Variants in ADAMTS9 observed in about 807,000 individuals in gnomAD.
ADAMTS9 encodes the protein ADAM metallopeptidase with thrombospondin type 1 motif 9.
ADAMTS9 carries 107 observed loss-of-function variants against 257.1 expected under a neutral mutation model. The ratio of observed to expected loss-of-function variants is 0.42; its 90% confidence interval spans 0.36 to 0.49. The LOEUF is 0.49. Ranked by LOEUF, ADAMTS9 falls within the 20% of genes least tolerant of loss-of-function variation. The pLI is 0.03. For synonymous variants in ADAMTS9, 982 were observed against 880.9 expected (o/e 1.11, Z -2.03); for missense variants, 2,353 against 2,469.1 (o/e 0.95, Z 1.00).
chr3:64,613,682 T>C (rs1328492865), intron 21 of ADAMTS9, among the ~76,000 whole-genome samples, 173 bp from the exon 22 acceptor site: 1 of 152,214 alleles, frequency 6.6e-6, no homozygotes, highest in Non-Finnish European at 1.5e-5. Context: ...CGTTCATTTA[T>C]TCATTCATTC....
intron 30 of ADAMTS9, among the ~76,000 whole-genome samples, chr3:64,556,346 G>A (rs1215120528): frequency 1.3e-5 from 2 of 152,022 alleles, no homozygotes; most frequent in East Asian, 3.9e-4. Context: ...TTTGAGACAG[G>A]GTCTTGCTCT....
At chr3:64,608,510 A>T (rs1165537721) in intron 22 of ADAMTS9, among the ~76,000 whole-genome samples, 2 of 152,108 alleles carry the variant, frequency 1.3e-5, no homozygotes, top group African/African-American at 2.4e-5. Context: ...AAGTGATGCC[A>T]ATATATTAGA....
In ADAMTS9 at chr3:64,625,086, A is replaced by G. The variant is rs73122261; in HGVS notation, c.2390-2500T>C. On this transcript the variant is annotated intron_variant, in intron 16 of 39. Coordinates refer to ENST00000498707, the MANE Select transcript of ADAMTS9 (RefSeq NM_182920.2). The stretch of plus-strand genomic sequence containing the variant: ...AGGATGCCCTTGAAAGATACAGGCC[A>G]TATATTTAGGTGAATAAAAGAAACA... Among the ~76,000 whole-genome samples, 476 of 152,344 alleles carry G rather than the reference A, an allele frequency of 3.1e-3. 2 individuals are homozygous for G. The highest frequency in any genetic ancestry group is 0.019 in the South Asian group (90 of 4,824).
chr3:64,654,727 A>T, intron 6 of ADAMTS9, 115 bp from the exon 7 acceptor site: 1 of 1,121,584 alleles, frequency 8.9e-7, no homozygotes. Context: ...GGTGGGGGTT[A>T]AAAAAAGCAA....
chr3:64,658,773 C>G lies in ADAMTS9; in HGVS notation c.698G>C (p.Ser233Thr). Reference protein sequence around the residue: ...CDTSEHKNRHSKDKKKTRARK... With the variant: ...CDTSEHKNRHTKDKKKTRARK... Reference sequence around the variant, plus strand: ...TGCTCTGGTTTTCTTCTTGTCTTTACTGTGCCTATTTTTGTGTTCTGTAAC... The same window carrying G: ...TGCTCTGGTTTTCTTCTTGTCTTTAGTGTGCCTATTTTTGTGTTCTGTAAC... Residue 233 changes from serine (S) to threonine (T), a missense_variant, in exon 4 of 40, where the codon AGT becomes ACT. Ser to Thr is a moderately conservative substitution (Grantham distance 58). Transcript: ENST00000498707. 6.2e-7 allele frequency: 1 copy of G among 1,613,540 alleles called. No individual in the cohort carries two copies. The highest frequency in any genetic ancestry group is 8.5e-7 in the Non-Finnish European group (1 of 1,179,756).
chr3:64,576,527 A>G (rs2106721182), intron 28 of ADAMTS9, among the ~76,000 whole-genome samples: 1 of 152,336 alleles, frequency 6.6e-6, no homozygotes, highest in Middle Eastern at 3.4e-3. Flanking sequence ...AAGCTTTACC[A>G]GGAAACAAGG....
At chr3:64,677,967 T>A (rs1701663596) in intron 3 of ADAMTS9, among the ~76,000 whole-genome samples, 1 of 152,190 alleles carries the variant, frequency 6.6e-6, no homozygotes, top group Admixed American at 6.5e-5. Context: ...TAACATAAGT[T>A]ATCTCAGAAT....
At chr3:64,633,357 C>T in intron 14 of ADAMTS9, 115 bp downstream of exon 14, 1 of 1,471,758 alleles carries the variant, frequency 6.8e-7, no homozygotes, top group Non-Finnish European at 9.1e-7. Context: ...ACTTTGAGAA[C>T]CACTGCCCTG....
intron 28 of ADAMTS9, among the ~76,000 whole-genome samples, chr3:64,584,311 C>G (rs2084088429): frequency 6.6e-6 from 1 of 151,294 alleles, no homozygotes; most frequent in African/African-American, 2.4e-5. Context: ...AAAAGGGAAG[C>G]AAAAAAAATG....
chr3:64,540,219 C>T (rs780234353), intron 36 of ADAMTS9, among the ~76,000 whole-genome samples: 25 of 152,208 alleles, frequency 1.6e-4, no homozygotes, highest in Admixed American at 3.3e-4. Context: ...CCTCATCATT[C>T]TAGCTCAAGG....
Position 64,546,785 on chromosome 3 carries a change from G to A in ADAMTS9, c.5037C>T (p.Ala1679=). 1 of 1,609,946 alleles carries A rather than the reference G, an allele frequency of 6.2e-7. No homozygotes were observed. The highest frequency in any genetic ancestry group is 8.5e-7 in the Non-Finnish European group (1 of 1,178,060). ...TCCCCCAGTTGCCAACTCTCCAGGTGGCCGAGACAGGGCAGTCCCTCAGGT... is the reference window on the plus strand; with the variant it reads ...TCCCCCAGTTGCCAACTCTCCAGGTAGCCGAGACAGGGCAGTCCCTCAGGT... ...PCYLRDCPVS[A]TWRVGNWGSC... is the part of the protein sequence containing the mutation. Residue 1679 remains alanine, a synonymous_variant, in exon 32 of 40, where the codon GCC becomes GCT. Transcript: ENST00000498707.
At chr3:64,522,347 A>G in intron 38 of ADAMTS9, 87 bp from the exon 39 acceptor site, 1 of 1,129,556 alleles carries the variant, frequency 8.9e-7, no homozygotes, top group East Asian at 2.4e-5. Flanking sequence ...GTTCTTATAC[A>G]CACAGTAAAC....
intron 22 of ADAMTS9, among the ~76,000 whole-genome samples, chr3:64,613,031 C>T (rs531434929): frequency 6.6e-5 from 10 of 152,228 alleles, no homozygotes; most frequent in African/African-American, 2.2e-4. Flanking sequence ...CACAGAGGCA[C>T]GCTAGAAGAT....
At chr3:64,622,797 A>G (rs950320280) in intron 16 of ADAMTS9, among the ~76,000 whole-genome samples, 2 of 152,120 alleles carry the variant, frequency 1.3e-5, no homozygotes, top group Non-Finnish European at 2.9e-5. Flanking sequence ...CTTTATCTCT[A>G]AAGTGGAGAT....
chr3:64,581,491 G>A (rs1313085970), intron 28 of ADAMTS9, among the ~76,000 whole-genome samples: 2 of 152,184 alleles, frequency 1.3e-5, no homozygotes, highest in African/African-American at 2.4e-5. Flanking sequence ...TCGAACTCCT[G>A]GGCTCAAGCA....
chr3:64,631,447 C>A lies in ADAMTS9; in HGVS notation c.2389+8G>T, dbSNP rs756914460. The A allele has an allele frequency of 6.2e-7, 1 of 1,610,538 alleles. No homozygotes were observed. The highest frequency in any genetic ancestry group is 1.7e-4 in the Middle Eastern group (1 of 6,048). ...AGAACTCGCAAGTAGTGAGGCATCC[C>A]ATCTCACCTAAGTAGTTGTCATCGT... On this transcript the variant is annotated splice_region_variant and intron_variant, in intron 16 of 39. Coordinates refer to ENST00000498707, the MANE Select transcript of ADAMTS9 (RefSeq NM_182920.2).
At chr3:64,570,529 G>A (rs207463172) in intron 28 of ADAMTS9, among the ~76,000 whole-genome samples, 3 of 151,868 alleles carry the variant, frequency 2.0e-5, no homozygotes, top group Admixed American at 1.3e-4. Flanking sequence ...GAGCCCAAGT[G>A]GGAAAACAGT....
Position 64,522,273 on chromosome 3 carries a change from G to C in ADAMTS9, c.5719-13C>G. The C allele has an allele frequency of 6.2e-7, 1 of 1,612,682 alleles. No individual in the cohort carries two copies. The highest frequency in any genetic ancestry group is 8.5e-7 in the Non-Finnish European group (1 of 1,178,804). On this transcript the variant is annotated splice_polypyrimidine_tract_variant and intron_variant, in intron 38 of 39. Coordinates refer to ENST00000498707, the MANE Select transcript of ADAMTS9 (RefSeq NM_182920.2). ...CTCGGGTACCATCCTGCAAGGAGAT[G>C]CATCATGTTAGCCTGCCTGCTTGGT...
chr3:64,600,305 C>T (rs961360864), intron 26 of ADAMTS9, among the ~76,000 whole-genome samples: 1 of 152,086 alleles, frequency 6.6e-6, no homozygotes, highest in Non-Finnish European at 1.5e-5. Flanking sequence ...AGGTCAGACA[C>T]GTCAAGCTAG....
Sources: allele counts gnomAD v4.1 joint callset (sites outside exome capture counted in the v4.1 genomes callset), GRCh38; gene constraint gnomAD v4.1.1; transcripts MANE v1.5; gene names NCBI Gene and HGNC (gene_info 2026-07-23, HGNC 2026-07-21).